Variants in CLYBL observed in about 807,000 individuals in gnomAD.
The protein encoded by CLYBL is citramalyl-CoA lyase, mitochondrial.
Under a neutral mutation model 38.9 loss-of-function variants are expected in CLYBL, and 31 were observed. That is an observed-to-expected ratio of 0.80 (90% CI 0.60 to 1.08). The LOEUF (loss-of-function observed/expected upper bound fraction) is 1.08. Ranked by LOEUF, CLYBL falls within the 50% of genes least tolerant of loss-of-function variation. CLYBL has a pLI of 0.00. For missense variants in CLYBL, 434 were observed against 411.6 expected, an observed-to-expected ratio of 1.05 and a Z score of -0.47; for synonymous variants, 171 against 158.6, an observed-to-expected ratio of 1.08 and a Z score of -0.59.
chr13:99,724,579 T>G (rs1370273072), intron 1 of CLYBL, among the ~76,000 whole-genome samples: 1 of 151,924 alleles, frequency 6.6e-6, no homozygotes, highest in Non-Finnish European at 1.5e-5. Context: ...TTGGCAAAAC[T>G]TTCTGGTGTA....
At chr13:99,825,443 A>G (rs566089778) in intron 2 of CLYBL, among the ~76,000 whole-genome samples, 4 of 152,312 alleles carry the variant, frequency 2.6e-5, no homozygotes, top group Admixed American at 6.5e-5. Context: ...CCTTAGAGAT[A>G]AGAATCAAAA....
chr13:99,765,202 G>T (rs993346128), intron 1 of CLYBL, among the ~76,000 whole-genome samples: 4 of 152,004 alleles, frequency 2.6e-5, no homozygotes, highest in Admixed American at 6.5e-5. Context: ...AATATTTTTG[G>T]ATGGCAGTTT....
chr13:99,764,945 T>A (rs969948070), intron 1 of CLYBL, among the ~76,000 whole-genome samples: 2 of 151,988 alleles, frequency 1.3e-5, no homozygotes, highest in African/African-American at 4.8e-5. Context: ...TGCCTCGACC[T>A]CCCAAAGTGC....
intron 1 of CLYBL, among the ~76,000 whole-genome samples, chr13:99,609,864 A>C (rs1214671393): frequency 6.6e-6 from 1 of 151,822 alleles, no homozygotes; most frequent in Non-Finnish European, 1.5e-5. Context: ...CTCTTCATTG[A>C]TATTCTCTAT....
chr13:99,785,273 A>G (rs942904874), intron 2 of CLYBL, among the ~76,000 whole-genome samples: 4 of 128,470 alleles, frequency 3.1e-5, no homozygotes, highest in African/African-American at 6.1e-5. Context: ...CAGTTGTTCA[A>G]TCATTGCTCA....
intron 2 of CLYBL, among the ~76,000 whole-genome samples, chr13:99,827,935 A>T (rs2050728092): frequency 6.6e-6 from 1 of 152,220 alleles, no homozygotes; most frequent in African/African-American, 2.4e-5. Context: ...ATGTGTTGGA[A>T]GAAATATACA....
chr13:99,627,790 A>G (rs1415484447), intron 1 of CLYBL, among the ~76,000 whole-genome samples: 2 of 152,242 alleles, frequency 1.3e-5, no homozygotes, highest in African/African-American at 4.8e-5. Context: ...TTTTTCTCCC[A>G]GGAGAAATAA....
At chr13:99,639,859 T>C (rs2047069762) in intron 1 of CLYBL, among the ~76,000 whole-genome samples, 1 of 152,204 alleles carries the variant, frequency 6.6e-6, no homozygotes, top group South Asian at 2.1e-4. Flanking sequence ...ATTGTACCAG[T>C]GCACTCTAGC....
chr13:99,808,063 T>C (rs1410808110), intron 2 of CLYBL, among the ~76,000 whole-genome samples: 1 of 151,670 alleles, frequency 6.6e-6, no homozygotes, highest in African/African-American at 2.4e-5. Flanking sequence ...ATCCTCTTGG[T>C]TTTTGTTTTT....
At chr13:99,895,537 CT>C (rs2052564366), downstream of CLYBL, 1 of 152,242 alleles carries the variant, frequency 6.6e-6, no homozygotes, top group Non-Finnish European at 1.5e-5. Context: ...TCCGCGCTGT[CT>C]TTCCCGCGGG....
Position 99,641,496 on chromosome 13 carries a change from C to T in CLYBL, c.62+34739C>T, listed in dbSNP as rs867419129. ...CATCCTGGCTAACACAGTGAAACCC[C>T]GTCTCTACTAGAAGTACAGAAAATT... is the stretch of plus-strand genomic sequence containing the variant. On this transcript the variant is annotated intron_variant, in intron 1 of 8. Transcript: ENST00000339105. 3.3e-5 allele frequency among the ~76,000 whole-genome samples: 5 copies of T among 152,038 alleles called. No homozygotes were observed. The South Asian group carries it at 1.0e-3, about 32-fold the overall frequency.
intron 1 of CLYBL, among the ~76,000 whole-genome samples, chr13:99,677,101 C>T (rs993310725): frequency 9.2e-5 from 14 of 152,076 alleles, no homozygotes; most frequent in South Asian, 2.1e-4. Flanking sequence ...CCTGTGTATA[C>T]GGTCATTTTT....
At chr13:99,718,085 C>G (rs2048343970) in intron 1 of CLYBL, among the ~76,000 whole-genome samples, 1 of 151,934 alleles carries the variant, frequency 6.6e-6, no homozygotes, top group Non-Finnish European at 1.5e-5. Flanking sequence ...CCCTAAGTTG[C>G]CCAGGCTGGT....
At chr13:99,738,452 A>G (rs1220893517) in intron 1 of CLYBL, among the ~76,000 whole-genome samples, 1 of 152,192 alleles carries the variant, frequency 6.6e-6, no homozygotes, top group Non-Finnish European at 1.5e-5. Flanking sequence ...TTTCTTGGCC[A>G]CTGAGAAAGG....
Position 99,650,091 on chromosome 13 carries a change from A to G in CLYBL, c.62+43334A>G, listed in dbSNP as rs373250701. ...ATCATGGCTAACACGGTGAAACCCC[A>G]TCTCTACTAAAAATACAAAAAATTA... On this transcript the variant is annotated intron_variant, in intron 1 of 8. Coordinates refer to ENST00000339105, the MANE Select transcript of CLYBL (RefSeq NM_206808.5). Among the ~76,000 whole-genome samples, 28 of 152,010 alleles carry G rather than the reference A, an allele frequency of 1.8e-4. No individual in the cohort carries two copies. In the East Asian group the frequency reaches 1.9e-3, roughly 11 times the overall value.
chr13:99,707,685 AT>A (rs889595473), intron 1 of CLYBL, among the ~76,000 whole-genome samples: 57 of 152,336 alleles, frequency 3.7e-4, no homozygotes, highest in African/African-American at 1.3e-3. Context: ...ACAGTTAGTC[AT>A]GTTGTTGCTG....
chr13:99,735,106 A>G (rs572033921), intron 1 of CLYBL, among the ~76,000 whole-genome samples: 18 of 152,144 alleles, frequency 1.2e-4, no homozygotes, highest in Non-Finnish European at 2.4e-4. Context: ...ACAAATAGAG[A>G]TGATTTTGAA....
chr13:99,894,438 C>T (rs1373576862), downstream of CLYBL: 1 of 152,220 alleles, frequency 6.6e-6, no homozygotes, highest in Non-Finnish European at 1.5e-5. Context: ...ATATCACCCC[C>T]GTTATTAATT....
chr13:99,699,353 C>G (rs2048026501), intron 1 of CLYBL, among the ~76,000 whole-genome samples: 1 of 151,392 alleles, frequency 6.6e-6, no homozygotes, highest in Non-Finnish European at 1.5e-5. Flanking sequence ...CCATTGCACT[C>G]CAGCCTGGGC....
Sources: allele counts gnomAD v4.1 joint callset (sites outside exome capture counted in the v4.1 genomes callset), GRCh38; gene constraint gnomAD v4.1.1; transcripts MANE v1.5; gene names NCBI Gene and HGNC (gene_info 2026-07-23, HGNC 2026-07-21).